COL4A2: variants seen among roughly 807,000 people sequenced by gnomAD.
The protein encoded by COL4A2 is collagen alpha-2(IV) chain.
COL4A2 carries 99 observed loss-of-function variants against 200.2 expected under a neutral mutation model. The ratio of observed to expected loss-of-function variants is 0.49; its 90% CI spans 0.42 to 0.58. The LOEUF (loss-of-function observed/expected upper bound fraction) is 0.58, where lower values mean the gene tolerates loss of function less well. Ranked by LOEUF, COL4A2 falls within the 20% of genes least tolerant of loss-of-function variation. COL4A2 has a pLI of 0.00. For synonymous variants in COL4A2, 897 were observed against 900.6 expected, an observed-to-expected ratio of 1.00 and a Z score of 0.07; for missense variants, 1,950 against 2,314.1, an observed-to-expected ratio of 0.84 and a Z score of 3.23.
rs116651046 is a variant in COL4A2 at position 110,360,664 on chromosome 13, T to A, written c.180+3112T>A. Reference sequence around the variant, plus strand: ...TGGTTAATCTGATTAACTTGAGTAATCCAAAACTCCGTGTGGGCTTGGCTG... The same window carrying A: ...TGGTTAATCTGATTAACTTGAGTAAACCAAAACTCCGTGTGGGCTTGGCTG... On this transcript the variant is annotated intron_variant, in intron 4 of 47. Transcript: ENST00000360467. Among the ~76,000 whole-genome samples the A allele has an allele frequency of 9.4e-3, 1,429 of 152,332 alleles. 19 individuals are homozygous for A. The highest frequency in any genetic ancestry group is 0.031 in the African/African-American group (1,277 of 41,568).
At chr13:110,500,139 A>G (rs192481935) in intron 40 of COL4A2, among the ~76,000 whole-genome samples, 1 of 152,350 alleles carries the variant, frequency 6.6e-6, no homozygotes, top group Admixed American at 6.5e-5. Context: ...GGATACCAGG[A>G]TCTTCCAAAG....
At chr13:110,468,317 C>G in intron 27 of COL4A2, 1 of 467,018 alleles carries the variant, frequency 2.1e-6, no homozygotes, top group Non-Finnish European at 4.5e-6. Flanking sequence ...GACCTGCCCC[C>G]GGTCTAATTC....
intron 3 of COL4A2, among the ~76,000 whole-genome samples, chr13:110,334,857 G>T (rs1248135279): frequency 6.6e-6 from 1 of 152,214 alleles, no homozygotes; most frequent in Non-Finnish European, 1.5e-5. Context: ...CAAGAGAAAA[G>T]ACCAGGGAAA....
Position 110,469,319 on chromosome 13 carries a change from C to A in COL4A2, c.2198C>A (p.Pro733His). 6.3e-7 allele frequency: 1 copy of A among 1,579,276 alleles called. No individual in the cohort carries two copies. The highest frequency in any genetic ancestry group is 8.6e-7 in the Non-Finnish European group (1 of 1,162,308). ...GCAGGTCGTGAAGGGTTCCCAGGAC[C>A]CCCAGGTGAGTTGAGATCAGACCCC... The part of the protein sequence containing the change: ...GDAGREGFPG[P>H]PGFIGPRGSK... The change falls in exon 28 of 48, where the codon CCC becomes CAC. Residue 733 changes from proline to histidine, a missense_variant. By Grantham distance (77) the Pro-to-His change is moderately conservative. Coordinates refer to ENST00000360467, the MANE Select transcript of COL4A2 (RefSeq NM_001846.4).
At chr13:110,378,178 C>A (rs1878321547) in intron 4 of COL4A2, among the ~76,000 whole-genome samples, 1 of 152,216 alleles carries the variant, frequency 6.6e-6, no homozygotes, top group South Asian at 2.1e-4. Flanking sequence ...GCTTTCTTGG[C>A]TAAAATAAGA....
chr13:110,443,951 T>G (rs930946990), intron 16 of COL4A2, among the ~76,000 whole-genome samples: 1 of 152,206 alleles, frequency 6.6e-6, no homozygotes, highest in Non-Finnish European at 1.5e-5. Context: ...TCACTGCCAG[T>G]GGTCTCAGAT....
chr13:110,503,941 C>A lies in COL4A2; in HGVS notation c.4233C>A (p.Gly1411=). ...PGTVGPQGRR[G]PPGAPGEMGP... ...CAGTGGGTCCCCAGGGGAGGCGAGG[C>A]CCCCCTGGGGCACCGGGGGAGATGG... Residue 1411 remains glycine, a synonymous_variant, in exon 44 of 48, where the codon GGC becomes GGA. Transcript: ENST00000360467. 6.3e-7 allele frequency: 1 copy of A among 1,580,620 alleles called. No individual in the cohort carries two copies.
chr13:110,501,257 T>G (rs1883629757), intron 40 of COL4A2, among the ~76,000 whole-genome samples: 1 of 152,218 alleles, frequency 6.6e-6, no homozygotes, highest in South Asian at 2.1e-4. Flanking sequence ...ATTGTAAGCC[T>G]CATTTGCAAT....
Position 110,449,804 on chromosome 13 carries a change from T to C in COL4A2, c.1189+15T>C. ...CGGAGATGGAGGTAATGTGGCTTCA[T>C]AATATCAACACCGGAGACCCAAAGC... On this transcript the variant is annotated intron_variant, in intron 19 of 47. Coordinates refer to ENST00000360467, the MANE Select transcript of COL4A2 (RefSeq NM_001846.4). The C allele has an allele frequency of 6.5e-7, 1 of 1,545,680 alleles. No individual in the cohort carries two copies. The highest frequency in any genetic ancestry group is 2.4e-5 in the East Asian group (1 of 40,852).
intron 4 of COL4A2, among the ~76,000 whole-genome samples, chr13:110,398,025 C>T (rs1879241308): frequency 6.6e-6 from 1 of 152,062 alleles, no homozygotes; most frequent in Admixed American, 6.6e-5. Flanking sequence ...ATCAACTCTC[C>T]ACACCATTAC....
At chr13:110,430,158 C>A in intron 8 of COL4A2, 2 of 683,816 alleles carry the variant, frequency 2.9e-6, no homozygotes, top group Non-Finnish European at 4.4e-6. Flanking sequence ...ATCTCTTTCC[C>A]ATATTCACAA....
chr13:110,331,671 T>C (rs1875919141), intron 3 of COL4A2, among the ~76,000 whole-genome samples: 3 of 152,262 alleles, frequency 2.0e-5, no homozygotes, highest in Admixed American at 2.0e-4. Flanking sequence ...GGAGGCAATA[T>C]TCCAAACACC....
At chr13:110,471,230 C>G (rs544719432) in intron 28 of COL4A2, among the ~76,000 whole-genome samples, 3 of 152,164 alleles carry the variant, frequency 2.0e-5, no homozygotes, top group African/African-American at 7.2e-5. Context: ...GAACGCCACA[C>G]GGGGCTCCCC....
Position 110,307,750 on chromosome 13 carries a change from C to T in COL4A2, c.-44-110C>T. ...GGGGACGGCCCTCCGGTCACCCCTG[C>T]ATGCGGGCCGCGCACCGCGCTGTCC... On this transcript the variant is annotated intron_variant, in intron 1 of 47. Transcript: ENST00000360467. The surrounding 1 kb of genome is among the most constrained non-coding windows in gnomAD (Gnocchi z 5.0). The T allele has an allele frequency of 9.6e-7, 1 of 1,039,350 alleles. No individual in the cohort carries two copies. The highest frequency in any genetic ancestry group is 1.4e-6 in the Non-Finnish European group (1 of 729,358). The allele number at this position is 1,039,350 out of a possible 1,614,324, so 64.4% of individuals were successfully genotyped here.
chr13:110,479,058 C>T (rs1052203297), intron 30 of COL4A2, among the ~76,000 whole-genome samples: 2 of 152,178 alleles, frequency 1.3e-5, no homozygotes, highest in Non-Finnish European at 2.9e-5. Context: ...CAGGTAGGGC[C>T]CGCTCCCCTA....
chr13:110,448,982 G>A (rs939152471), intron 18 of COL4A2, among the ~76,000 whole-genome samples: 2 of 152,202 alleles, frequency 1.3e-5, no homozygotes, highest in Non-Finnish European at 2.9e-5. Flanking sequence ...GAAGCTGCCC[G>A]AGCAGGAGAC....
intron 4 of COL4A2, among the ~76,000 whole-genome samples, chr13:110,412,200 G>A (rs1879869658): frequency 6.6e-6 from 1 of 152,240 alleles, no homozygotes; most frequent in East Asian, 1.9e-4. Context: ...CCACCACCCT[G>A]TAGAAAGGAA....
At chr13:110,396,129 G>A (rs1879172298) in intron 4 of COL4A2, among the ~76,000 whole-genome samples, 1 of 152,150 alleles carries the variant, frequency 6.6e-6, no homozygotes, top group African/African-American at 2.4e-5. Flanking sequence ...ATTATTCAGA[G>A]TGTACCCATA....
At chr13:110,479,154 G>A (rs1471072374) in intron 30 of COL4A2, among the ~76,000 whole-genome samples, 1 of 152,236 alleles carries the variant, frequency 6.6e-6, no homozygotes, top group African/African-American at 2.4e-5. Context: ...GGGCCGTGCT[G>A]GTTCTCAACT....
Sources: gnomAD v4.1 joint callset for allele counts (sites outside exome capture counted in the v4.1 genomes callset) on GRCh38, gnomAD v4.1.1 for gene constraint, Gnocchi (gnomAD v3.1) non-coding constraint, MANE v1.5 for transcripts, NCBI Gene and HGNC (gene_info 2026-07-23, HGNC 2026-07-21) for gene names.